Variants in UBE3A observed in about 807,000 individuals in gnomAD.
UBE3A encodes ubiquitin-protein ligase E3A.
Under a neutral mutation model 83.4 loss-of-function variants are expected in UBE3A, and 6 were observed. The observed-to-expected ratio is 0.07, with a 90% CI of 0.04 to 0.14. The LOEUF is 0.14. UBE3A is among the 10% of genes least tolerant of loss of function. The pLI is 1.00. For missense variants in UBE3A, 456 were observed against 1,036.1 expected (o/e 0.44, Z 7.69); for synonymous variants, 337 against 355.4 (o/e 0.95, Z 0.58).
intron 4 of UBE3A, 90 bp downstream of exon 4, chr15:25,405,371 C>T: frequency 7.0e-7 from 1 of 1,430,840 alleles, no homozygotes; most frequent in Non-Finnish European, 9.8e-7. Flanking sequence ...TTCTTTTAAC[C>T]AGAAATTATT....
chr15:25,408,926 A>G (rs1461585860), intron 3 of UBE3A, among the ~76,000 whole-genome samples, 162 bp downstream of exon 3: 1 of 152,214 alleles, frequency 6.6e-6, no homozygotes, highest in Non-Finnish European at 1.5e-5. Flanking sequence ...TGAGAAAAAA[A>G]GACACTAAAA....
intron 6 of UBE3A, among the ~76,000 whole-genome samples, chr15:25,366,323 G>T (rs542721115): frequency 1.9e-4 from 29 of 152,270 alleles, no homozygotes; most frequent in Admixed American, 1.3e-3. Flanking sequence ...GTGAGTCAAT[G>T]AATAAATAAA....
intron 4 of UBE3A, among the ~76,000 whole-genome samples, chr15:25,404,503 TAA>T (rs1019623518): frequency 1.3e-5 from 2 of 152,344 alleles, no homozygotes; most frequent in South Asian, 2.1e-4. Flanking sequence ...AATAAATCAC[TAA>T]AGTCTTACTT....
At chr15:25,422,079 G>A (rs866185334) in intron 1 of UBE3A, 1 of 152,122 alleles carries the variant, frequency 6.6e-6, no homozygotes, top group South Asian at 2.1e-4. Context: ...ATGAACTGTG[G>A]TATAGTCATA....
intron 1 of UBE3A, among the ~76,000 whole-genome samples, chr15:25,413,499 A>G (rs897237163): frequency 2.0e-5 from 3 of 152,162 alleles, no homozygotes; most frequent in Non-Finnish European, 2.9e-5. Flanking sequence ...TACACATTTC[A>G]CAATTAAAGG....
intron 11 of UBE3A, 127 bp downstream of exon 11, chr15:25,354,225 CT>C: frequency 2.6e-6 from 2 of 780,790 alleles, no homozygotes; most frequent in South Asian, 1.5e-5. Flanking sequence ...AAATACAAAT[CT>C]AAGTATATAG....
chr15:25,421,877 A>G (rs1044459162), intron 1 of UBE3A: 6 of 152,218 alleles, frequency 3.9e-5, no homozygotes, highest in African/African-American at 1.4e-4. Flanking sequence ...TAGTATAATC[A>G]TCTGGAAAAT....
rs1243731446 is a variant in UBE3A at position 25,398,767 on chromosome 15, TTATTTATA to T, written c.62+6686_62+6693del. Among the ~76,000 whole-genome samples the T allele has an allele frequency of 1.7e-3, 113 of 67,156 alleles. 1 individual carries two copies. The highest frequency in any genetic ancestry group is 5.4e-3 in the African/African-American group (107 of 19,872). The allele number at this position is 67,156 out of a possible 152,430, so 44.1% of individuals were successfully genotyped here. The stretch of plus-strand genomic sequence containing the variant: ...TCTTCAGCGCACTGATTTTATTCTT[TTATTTATA>T]TATATATATATATATATATATATAT... On this transcript the variant is annotated intron_variant, in intron 4 of 12. Coordinates refer to ENST00000648336, the MANE Select transcript of UBE3A (RefSeq NM_130839.5).
intron 4 of UBE3A, among the ~76,000 whole-genome samples, chr15:25,398,174 A>C (rs1426447258): frequency 6.6e-6 from 1 of 150,478 alleles, no homozygotes; most frequent in Non-Finnish European, 1.5e-5. Flanking sequence ...TCTCAAAAAA[A>C]AAAAAAAAAA....
chr15:25,348,835 G>A lies in UBE3A; in HGVS notation c.2354+5518C>T, dbSNP rs1030911096. Among the ~76,000 whole-genome samples the A allele has an allele frequency of 5.3e-5, 8 of 152,262 alleles. No individual in the cohort carries two copies. In the East Asian group the frequency reaches 9.6e-4, roughly 18 times the overall value. On this transcript the variant is annotated intron_variant, in intron 11 of 12. Transcript: ENST00000648336. ...CATCTAAATAAATGGAGAGACGTAC[G>A]GTGTTCAAGGATTGGAAGAATATAT...
intron 6 of UBE3A, among the ~76,000 whole-genome samples, chr15:25,361,165 G>A (rs1338866609): frequency 2.2e-5 from 3 of 139,306 alleles, no homozygotes; most frequent in South Asian, 2.2e-4. Flanking sequence ...TCACTCTGTC[G>A]CCTAGGCTGG....
chr15:25,424,066 TAA>T (rs1890612741), intron 1 of UBE3A, among the ~76,000 whole-genome samples: 1 of 151,588 alleles, frequency 6.6e-6, no homozygotes, highest in African/African-American at 2.4e-5. Flanking sequence ...TTGCTAAACA[TAA>T]GTCATACTTT....
intron 1 of UBE3A, chr15:25,418,709 A>G (rs1888196324): frequency 2.0e-5 from 3 of 152,158 alleles, no homozygotes; most frequent in Non-Finnish European, 4.4e-5. Context: ...TATGTGGTCA[A>G]CTGTATTTTC....
intron 4 of UBE3A, among the ~76,000 whole-genome samples, chr15:25,378,568 G>A (rs1481325623): frequency 6.6e-6 from 1 of 152,152 alleles, no homozygotes; most frequent in Admixed American, 6.6e-5. Flanking sequence ...CACAGCCAAA[G>A]AGAGAAATAG....
chr15:25,393,861 G>C (rs2084943862), intron 4 of UBE3A: 1 of 152,152 alleles, frequency 6.6e-6, no homozygotes, highest in South Asian at 2.1e-4. Flanking sequence ...TCCTGTGTCT[G>C]TCAGAAGAAA....
rs2074183503 is a variant in UBE3A at position 25,338,471 on chromosome 15, C to G, written c.*666G>C. 6.6e-6 allele frequency: 1 copy of G among 151,888 alleles called. No homozygotes were observed. The highest frequency in any genetic ancestry group is 1.5e-5 in the Non-Finnish European group (1 of 67,964). 9.4% of individuals were successfully genotyped at this position (151,888 alleles called of 1,614,324 possible). The stretch of plus-strand genomic sequence containing the variant: ...AATTTGTTGTGCTGTTACTAAAGTT[C>G]TGAGGGCTGCAGTTAAAACATTCCA... On this transcript the variant is annotated 3_prime_UTR_variant, in exon 13 of 13. Transcript: ENST00000648336.
chr15:25,335,057 G>GA lies in UBE3A; in HGVS notation c.*4079dup, dbSNP rs2073894988. The GA allele has an allele frequency of 1.3e-5, 2 of 151,232 alleles. No individual in the cohort carries two copies. The highest frequency in any genetic ancestry group is 4.2e-4 in the South Asian group (2 of 4,808). 9.4% of individuals were successfully genotyped at this position (151,232 alleles called of 1,614,324 possible). On this transcript the variant is annotated 3_prime_UTR_variant, in exon 13 of 13. Transcript: ENST00000648336. ...CTTACACTCCAGGCAAAGGTTATTA[G>GA]AAGAAAAAAAGATGTAAGAAAATTC...
At chr15:25,360,294 C>T (rs1268841801) in intron 7 of UBE3A, 89 bp downstream of exon 7, 71 of 1,568,760 alleles carry the variant, frequency 4.5e-5, no homozygotes, top group Non-Finnish European at 5.7e-5. Context: ...TGCTGCTCTT[C>T]ATAGCTGAAA....
rs2074072494 is a variant in UBE3A at position 25,337,786 on chromosome 15, A to C, written c.*1351T>G. On this transcript the variant is annotated 3_prime_UTR_variant, in exon 13 of 13. Transcript: ENST00000648336. ...GTCTCACCTTAGTTAAAAATACATA[A>C]TCCTTTTATTTTATAATGCAATAAA... 1 of 152,152 alleles carries C rather than the reference A, an allele frequency of 6.6e-6. No homozygotes were observed. Among genetic ancestry groups the C allele is most frequent in the Non-Finnish European group, 1.5e-5 (1 of 68,006 alleles). The allele number at this position is 152,152 out of a possible 1,614,324, so 9.4% of individuals were successfully genotyped here. A position where few individuals can be genotyped will look rare whatever the true frequency, so the allele number is the denominator to read the frequency against.
Sources: allele counts gnomAD v4.1 joint callset (sites outside exome capture counted in the v4.1 genomes callset), GRCh38; gene constraint gnomAD v4.1.1; transcripts MANE v1.5; gene names NCBI Gene and HGNC (gene_info 2026-07-23, HGNC 2026-07-21).